ASH1L: variants seen among roughly 807,000 people sequenced by gnomAD.
ASH1L encodes the protein histone-lysine N-methyltransferase ASH1L.
A neutral mutation model predicts 269.0 loss-of-function variants in ASH1L; 23 were observed. That is an observed-to-expected ratio of 0.09 (90% CI 0.06 to 0.12). The LOEUF is 0.12. ASH1L is among the 10% of genes least tolerant of loss of function. ASH1L has a pLI of 1.00. For missense variants in ASH1L, 2,912 were observed against 3,567.8 expected (o/e 0.82, Z 4.68); for synonymous variants, 1,187 against 1,253.5 (o/e 0.95, Z 1.12).
intron 16 of ASH1L, among the ~76,000 whole-genome samples, chr1:155,353,470 A>C (rs879810288): frequency 3.3e-5 from 5 of 152,118 alleles, no homozygotes; most frequent in Non-Finnish European, 5.9e-5. Flanking sequence ...CATCACATAG[A>C]ATTGCTTCTA....
In ASH1L at chr1:155,481,043, G is replaced by A; in HGVS notation, c.1827C>T (p.Thr609=). The A allele has an allele frequency of 6.2e-7, 1 of 1,613,888 alleles. No homozygotes were observed. Among genetic ancestry groups the A allele is most frequent in the Non-Finnish European group, 8.5e-7 (1 of 1,179,928 alleles). ...VGKNQFTSES[T]HLNVGHRSVG... ...CTGACCTATGACCAACGTTCAAGTGGGTACTTTCAGAAGTAAACTGGTTCT... is the reference window on the plus strand; with the variant it reads ...CTGACCTATGACCAACGTTCAAGTGAGTACTTTCAGAAGTAAACTGGTTCT... The change falls in exon 3 of 28, where the codon ACC becomes ACT. Residue 609 remains threonine (T), a synonymous_variant. Coordinates refer to ENST00000392403, the MANE Select transcript of ASH1L (RefSeq NM_018489.3).
At chr1:155,525,149 A>T (rs1167902705) in intron 1 of ASH1L, among the ~76,000 whole-genome samples, 1 of 152,112 alleles carries the variant, frequency 6.6e-6, no homozygotes, top group African/African-American at 2.4e-5. Context: ...CGGGAGGATG[A>T]GGCAAGAAGA....
At chr1:155,374,494 G>T (rs1384266030) in intron 10 of ASH1L, among the ~76,000 whole-genome samples, 1 of 152,102 alleles carries the variant, frequency 6.6e-6, no homozygotes, top group Non-Finnish European at 1.5e-5. Context: ...AGAAAGTATC[G>T]ACTGGATTAT....
chr1:155,442,207 T>C (rs1380320698), intron 4 of ASH1L, among the ~76,000 whole-genome samples: 1 of 152,076 alleles, frequency 6.6e-6, no homozygotes, highest in East Asian at 1.9e-4. Context: ...TATGCAGCAA[T>C]GGACAACTGA....
At position 155,480,707 on chromosome 1, in the gene ASH1L, T is replaced by A; in HGVS notation, c.2163A>T (p.Lys721Asn). The A allele has an allele frequency of 6.2e-7, 1 of 1,613,820 alleles. No individual in the cohort carries two copies. The highest frequency in any genetic ancestry group is 8.5e-7 in the Non-Finnish European group (1 of 1,179,966). ...KRKGRKPRWT[K>N]VVARSTCRSP... ...ACCGGCATGTGCTTCTTGCCACCAC[T>A]TTAGTCCACCGAGGTTTTCTTCCTT... Residue 721 changes from lysine (K) to asparagine (N), a missense_variant, in exon 3 of 28, where the codon AAA becomes AAT. Lys to Asn is a moderately conservative substitution (Grantham distance 94, BLOSUM62 0). This residue lies in a region of ASH1L where 715 missense variants were observed against 721.0 expected (regional missense o/e 0.99). Transcript: ENST00000392403.
intron 2 of ASH1L, among the ~76,000 whole-genome samples, chr1:155,518,662 A>G (rs1668656230): frequency 8.9e-6 from 1 of 112,620 alleles, no homozygotes. Context: ...AAAAACCACA[A>G]TGTGCTACAG....
chr1:155,520,700 T>C (rs942244099), intron 2 of ASH1L, among the ~76,000 whole-genome samples: 2 of 151,644 alleles, frequency 1.3e-5, no homozygotes, highest in Non-Finnish European at 2.9e-5. Context: ...CCGTCTCTAC[T>C]AAAAACACAA....
intron 12 of ASH1L, among the ~76,000 whole-genome samples, chr1:155,367,874 A>G (rs866124223): frequency 3.8e-4 from 58 of 152,306 alleles, no homozygotes; most frequent in African/African-American, 1.3e-3. Flanking sequence ...TATTTTATTT[A>G]GGATTTTTGT....
intron 1 of ASH1L, among the ~76,000 whole-genome samples, chr1:155,524,287 C>T (rs1409750139): frequency 6.6e-6 from 1 of 152,072 alleles, no homozygotes; most frequent in Admixed American, 6.6e-5. Context: ...CTTTGGGAGG[C>T]TGACGGGGCG....
At position 155,478,400 on chromosome 1, in the gene ASH1L, T is replaced by TCTGTGTTTGTGACGGTGC; in HGVS notation, c.4452_4469dup (p.His1485_Arg1490dup). On this transcript the variant is annotated inframe_insertion, in exon 3 of 28. Transcript: ENST00000392403. The surrounding 1 kb of genome is among the most constrained non-coding windows in gnomAD (Gnocchi z 4.6). ...GGGGTTGTTCAGAAGAACGGTGTTC[T>TCTGTGTTTGTGACGGTGC]CTGTGTTTGTGACGGTGCCTGTGTT... 6.2e-7 allele frequency: 1 copy of TCTGTGTTTGTGACGGTGC among 1,614,132 alleles called. No homozygotes were observed. The highest frequency in any genetic ancestry group is 8.5e-7 in the Non-Finnish European group (1 of 1,180,028).
chr1:155,424,182 G>C (rs950851224), intron 5 of ASH1L, among the ~76,000 whole-genome samples: 2 of 152,112 alleles, frequency 1.3e-5, no homozygotes, highest in Admixed American at 6.6e-5. Context: ...AGGTCTCATA[G>C]GGTCATTCAA....
intron 2 of ASH1L, among the ~76,000 whole-genome samples, chr1:155,488,838 A>G (rs1666537030): frequency 6.6e-6 from 1 of 152,130 alleles, no homozygotes. Context: ...TTAAAACATG[A>G]TATTAAGCAT....
At position 155,480,715 on chromosome 1, in the gene ASH1L, A is replaced by T; in HGVS notation, c.2155T>A (p.Trp719Arg). ...GTGCTTCTTGCCACCACTTTAGTCC[A>T]CCGAGGTTTTCTTCCTTTTCTTTTT... Reference protein sequence around the residue: ...LKKRKGRKPRWTKVVARSTCR... With the variant: ...LKKRKGRKPRRTKVVARSTCR... The change falls in exon 3 of 28, where the codon TGG (tryptophan) becomes AGG (arginine). Residue 719 changes from tryptophan (W) to arginine (R), a missense_variant. Transcript: ENST00000392403. The T allele has an allele frequency of 6.2e-7, 1 of 1,613,532 alleles. No individual in the cohort carries two copies. Among genetic ancestry groups the T allele is most frequent in the Non-Finnish European group, 8.5e-7 (1 of 1,179,918 alleles).
upstream of ASH1L, chr1:155,563,151 C>T (rs1317958392): frequency 4.4e-6 from 2 of 457,128 alleles, no homozygotes; most frequent in African/African-American, 4.0e-5. Flanking sequence ...GCGAGCGGAT[C>T]GAGGACTGCC....
chr1:155,562,435 G>A lies in ASH1L; in HGVS notation c.-382C>T, dbSNP rs1160607401. 1 of 1,473,158 alleles carries A rather than the reference G, an allele frequency of 6.8e-7. No individual in the cohort carries two copies. Among genetic ancestry groups the A allele is most frequent in the African/African-American group, 1.4e-5 (1 of 71,698 alleles). The allele number at this position is 1,473,158 out of a possible 1,614,324, so 91.3% of individuals were successfully genotyped here. A position where few individuals can be genotyped will look rare whatever the true frequency, so the allele number is the denominator to read the frequency against. On this transcript the variant is annotated 5_prime_UTR_variant, in exon 1 of 28. Coordinates refer to ENST00000392403, the MANE Select transcript of ASH1L (RefSeq NM_018489.3). ...CAAAATGGCGGCGGGAGCGGCGGCG[G>A]CGGCGGCGGCAGCAGCAGAGTGGCG...
At chr1:155,499,026 C>T (rs2148789312) in intron 2 of ASH1L, among the ~76,000 whole-genome samples, 1 of 151,610 alleles carries the variant, frequency 6.6e-6, no homozygotes, top group Admixed American at 6.6e-5. Flanking sequence ...AAAAGCAGAC[C>T]ACAATGGGCT....
At chr1:155,529,950 C>G (rs1316306505) in intron 1 of ASH1L, among the ~76,000 whole-genome samples, 1 of 150,596 alleles carries the variant, frequency 6.6e-6, no homozygotes, top group African/African-American at 2.4e-5. Context: ...GGTAACAGAG[C>G]AAGACTCTGT....
chr1:155,489,593 C>G (rs1178076297), intron 2 of ASH1L, among the ~76,000 whole-genome samples: 1 of 151,358 alleles, frequency 6.6e-6, no homozygotes, highest in African/African-American at 2.4e-5. Context: ...CCCGTCTTTA[C>G]GAAAAATACA....
intron 1 of ASH1L, among the ~76,000 whole-genome samples, chr1:155,539,828 G>T (rs1314069275): frequency 6.6e-6 from 1 of 151,920 alleles, no homozygotes; most frequent in African/African-American, 2.4e-5. Flanking sequence ...GGCCAAGGCA[G>T]GACGATCGCT....
Sources: gnomAD v4.1 joint callset for allele counts (sites outside exome capture counted in the v4.1 genomes callset) on GRCh38, gnomAD v4.1.1 for gene constraint, gnomAD v4.1.1 regional missense constraint, Gnocchi (gnomAD v3.1) non-coding constraint, MANE v1.5 for transcripts, NCBI Gene and HGNC (gene_info 2026-07-23, HGNC 2026-07-21) for gene names.